The following HADH variants were observed in gnomAD, a reference collection of about 807,000 sequenced individuals.
The protein encoded by HADH is hydroxyacyl-coenzyme A dehydrogenase, mitochondrial.
In HADH, 24 loss-of-function variants were observed where a neutral mutation model predicts 32.2. The ratio of observed to expected loss-of-function variants is 0.75; its 90% confidence interval spans 0.54 to 1.05. The LOEUF is 1.05. Ranked by LOEUF, HADH falls within the 50% of genes least tolerant of loss-of-function variation. The pLI, the probability that HADH is intolerant of heterozygous loss-of-function variation, is 0.00. For missense variants in HADH, 350 were observed against 397.1 expected (o/e 0.88, Z 1.01); for synonymous variants, 139 against 152.5 (o/e 0.91, Z 0.65).
At position 108,027,510 on chromosome 4, in the gene HADH, G is replaced by A. The variant is rs1355412533; in HGVS notation, c.637-178G>A. On this transcript the variant is annotated intron_variant, in intron 5 of 7. Transcript: ENST00000309522. ...GAATGTTTTTTTAAGTACTATGATT[G>A]TTGGATAAATTGTCATATGAGATAG... 5.9e-6 allele frequency: 4 copies of A among 672,808 alleles called. No homozygotes were observed. The African/African-American group carries it at 7.1e-5, about 12-fold the overall frequency. 41.7% of individuals were successfully genotyped at this position (672,808 alleles called of 1,614,324 possible). A position where few individuals can be genotyped will look rare whatever the true frequency, so the allele number is the denominator to read the frequency against.
intron 1 of HADH, among the ~76,000 whole-genome samples, chr4:107,997,207 G>C (rs1220436316): frequency 6.6e-6 from 1 of 152,198 alleles, no homozygotes; most frequent in Admixed American, 6.5e-5. Context: ...TTATTCTGGG[G>C]ATCTGAAGAA....
At chr4:108,027,839 G>T in intron 6 of HADH, 79 bp downstream of exon 6, 3 of 866,284 alleles carry the variant, frequency 3.5e-6, no homozygotes, top group Non-Finnish European at 6.0e-6. Context: ...GTCTCTAGGA[G>T]GGGTCGGGCC....
intron 3 of HADH, among the ~76,000 whole-genome samples, chr4:108,018,861 A>C (rs1018380845): frequency 6.6e-6 from 1 of 152,156 alleles, no homozygotes; most frequent in Admixed American, 6.6e-5. Context: ...GGCCTTAAAG[A>C]ACTAAATTTG....
intron 1 of HADH, among the ~76,000 whole-genome samples, chr4:107,990,635 T>G (rs1734754335): frequency 6.6e-6 from 1 of 152,116 alleles, no homozygotes; most frequent in Admixed American, 6.6e-5. Flanking sequence ...CTTTGTAAAG[T>G]CACCTAATGG....
intron 7 of HADH, 59 bp from the exon 8 acceptor site, chr4:108,034,180 C>A: frequency 1.7e-6 from 2 of 1,165,608 alleles, no homozygotes; most frequent in Non-Finnish European, 2.6e-6. Context: ...CTTGGAAATG[C>A]CAAGATGTAA....
intron 1 of HADH, 126 bp downstream of exon 1, chr4:107,990,190 C>G (rs543248390): frequency 1.9e-5 from 19 of 975,432 alleles, no homozygotes; most frequent in Non-Finnish European, 2.7e-5. Context: ...CCCGCGCCTC[C>G]CGGGTGTAGT....
intron 5 of HADH, 145 bp downstream of exon 5, chr4:108,023,708 C>A: frequency 2.9e-6 from 2 of 692,904 alleles, no homozygotes; most frequent in Non-Finnish European, 2.7e-6. Context: ...AAGAGCAATC[C>A]GTGCCTCCTG....
intron 1 of HADH, chr4:108,004,560 G>T: frequency 9.2e-7 from 1 of 1,087,866 alleles, no homozygotes; most frequent in East Asian, 3.6e-5. Context: ...AAATCAACAT[G>T]TAACCAAAAG....
At chr4:108,010,465 A>G (rs948858329) in intron 2 of HADH, among the ~76,000 whole-genome samples, 2 of 152,160 alleles carry the variant, frequency 1.3e-5, no homozygotes, top group African/African-American at 4.8e-5. Flanking sequence ...TTTAATTAGA[A>G]ATACAGCACA....
chr4:108,034,142 ACATCAGAGGCAGGCCT>A lies in HADH; in HGVS notation c.827-95_827-80del, dbSNP rs1209008816. 3.5e-6 allele frequency: 3 copies of A among 860,508 alleles called. No individual in the cohort carries two copies. The Admixed American group carries it at 5.1e-5, about 15-fold the overall frequency. 53.3% of individuals were successfully genotyped at this position (860,508 alleles called of 1,614,324 possible). A position where few individuals can be genotyped will look rare whatever the true frequency, so the allele number is the denominator to read the frequency against. Reference sequence around the variant, plus strand: ...GGCGCCATGCCTGGGGGGCTCTCCCACATCAGAGGCAGGCCTCCAGACTTGTCCTTGGAAATGCCAA... The same window carrying A: ...GGCGCCATGCCTGGGGGGCTCTCCCACCAGACTTGTCCTTGGAAATGCCAA... On this transcript the variant is annotated intron_variant, in intron 7 of 7. Transcript: ENST00000309522.
intron 1 of HADH, 117 bp downstream of exon 1, chr4:107,990,181 C>T: frequency 9.6e-7 from 1 of 1,044,818 alleles, no homozygotes; most frequent in Non-Finnish European, 1.4e-6. Flanking sequence ...AGTTTTCACC[C>T]CGCGCCTCCC....
At chr4:108,006,331 CAG>C (rs1198758138) in intron 1 of HADH, among the ~76,000 whole-genome samples, 1 of 151,970 alleles carries the variant, frequency 6.6e-6, no homozygotes, top group Non-Finnish European at 1.5e-5. Context: ...CTGGTGTAGA[CAG>C]GGATAGGGAT....
Position 108,014,490 on chromosome 4 carries a change from C to T in HADH, c.321C>T (p.Ala107=). 1 of 1,613,880 alleles carries T rather than the reference C, an allele frequency of 6.2e-7. No homozygotes were observed. Among genetic ancestry groups the T allele is most frequent in the Non-Finnish European group, 8.5e-7 (1 of 1,179,754 alleles). ...CCATAGCGACCAGCACGGATGCAGCCTCCGTTGTCCACAGCACAGACTTGG... is the reference window on the plus strand; with the variant it reads ...CCATAGCGACCAGCACGGATGCAGCTTCCGTTGTCCACAGCACAGACTTGG... ...LSTIATSTDA[A]SVVHSTDLVV... Residue 107 remains alanine (A), a synonymous_variant, in exon 3 of 8, where the codon GCC becomes GCT. Transcript: ENST00000309522.
At chr4:108,005,299 A>T (rs1735258955) in intron 1 of HADH, 1 of 164,898 alleles carries the variant, frequency 6.1e-6, no homozygotes, top group Non-Finnish European at 1.3e-5. Context: ...CCATCCCCTT[A>T]TGTGCATTTG....
intron 1 of HADH, among the ~76,000 whole-genome samples, chr4:108,006,535 T>C (rs886153907): frequency 6.6e-6 from 1 of 152,180 alleles, no homozygotes. Context: ...GAGCAGTGGT[T>C]CTGAAACCTT....
intron 1 of HADH, among the ~76,000 whole-genome samples, chr4:107,994,943 G>A (rs1411633283): frequency 1.3e-5 from 2 of 152,150 alleles, no homozygotes; most frequent in Admixed American, 6.5e-5. Context: ...ACATTTTTTA[G>A]AGCAGAAATG....
intron 1 of HADH, among the ~76,000 whole-genome samples, chr4:108,006,225 G>C (rs143686483): frequency 6.6e-6 from 1 of 152,104 alleles, no homozygotes; most frequent in Non-Finnish European, 1.5e-5. Flanking sequence ...TCAGCATAGC[G>C]TCTGGAACTT....
chr4:107,991,635 A>G lies in HADH; in HGVS notation c.132+1571A>G, dbSNP rs186700320. On this transcript the variant is annotated intron_variant, in intron 1 of 7. Transcript: ENST00000309522. Reference sequence around the variant, plus strand: ...CTAGGTTATAGTATCCCCATAATCTATGTTGTATGTGGACTGGGAGGAGTA... The same window carrying G: ...CTAGGTTATAGTATCCCCATAATCTGTGTTGTATGTGGACTGGGAGGAGTA... 1.2e-4 allele frequency among the ~76,000 whole-genome samples: 18 copies of G among 152,182 alleles called. No homozygotes were observed. The East Asian group carries it at 1.5e-3, about 13-fold the overall frequency.
chr4:108,007,329 G>A (rs1735324752), intron 1 of HADH, among the ~76,000 whole-genome samples: 2 of 152,072 alleles, frequency 1.3e-5, no homozygotes, highest in African/African-American at 4.8e-5. Context: ...GGATGGTCTT[G>A]ATCTCCTGAT....
Sources: allele counts gnomAD v4.1 joint callset (sites outside exome capture counted in the v4.1 genomes callset), GRCh38; gene constraint gnomAD v4.1.1; transcripts MANE v1.5; gene names NCBI Gene and HGNC (gene_info 2026-07-23, HGNC 2026-07-21).